FRMD4B: variants seen among roughly 807,000 people sequenced by gnomAD.
FRMD4B encodes FERM domain containing 4B.
FRMD4B carries 74 observed loss-of-function variants against 141.5 expected under a neutral mutation model. The ratio of observed to expected loss-of-function variants is 0.52; its 90% confidence interval spans 0.43 to 0.63. The LOEUF is 0.63. FRMD4B is among the 30% of genes least tolerant of loss of function. The pLI, the probability that FRMD4B is intolerant of heterozygous loss-of-function variation, is 0.00. For missense variants in FRMD4B, 1,366 were observed against 1,253.4 expected (o/e 1.09, Z -1.36); for synonymous variants, 506 against 467.9 (o/e 1.08, Z -1.05).
chr3:69,273,063 A>T (rs566432389), intron 5 of FRMD4B, among the ~76,000 whole-genome samples: 1 of 152,242 alleles, frequency 6.6e-6, no homozygotes, highest in South Asian at 2.1e-4. Context: ...TGCTGCCTAC[A>T]TGGTAATTTT....
intron 7 of FRMD4B, among the ~76,000 whole-genome samples, chr3:69,241,368 G>A (rs978896756): frequency 1.3e-5 from 2 of 152,184 alleles, no homozygotes; most frequent in Non-Finnish European, 1.5e-5. Flanking sequence ...GATTCATAGC[G>A]CTCATGAGCA....
intron 1 of FRMD4B, among the ~76,000 whole-genome samples, chr3:69,315,769 C>CT (rs1344226810): frequency 6.6e-6 from 1 of 152,244 alleles, no homozygotes; most frequent in Non-Finnish European, 1.5e-5. Flanking sequence ...TCACCATGAA[C>CT]TTTGCACATC....
At chr3:69,196,796 G>C in intron 13 of FRMD4B, 104 bp downstream of exon 13, 1 of 868,768 alleles carries the variant, frequency 1.2e-6, no homozygotes, top group African/African-American at 1.7e-5. Context: ...AAAAATCTCA[G>C]AGAGCAAAAA....
intron 5 of FRMD4B, among the ~76,000 whole-genome samples, chr3:69,267,996 G>A (rs1017922185): frequency 6.6e-6 from 1 of 151,848 alleles, no homozygotes; most frequent in Non-Finnish European, 1.5e-5. Flanking sequence ...TGATGACAAT[G>A]TTCTACCAGA....
intron 3 of FRMD4B, among the ~76,000 whole-genome samples, chr3:69,305,902 G>C (rs926066742): frequency 6.6e-6 from 1 of 152,136 alleles, no homozygotes; most frequent in African/African-American, 2.4e-5. Context: ...ATTAAATATT[G>C]ATGAACATTT....
intron 1 of FRMD4B, chr3:69,353,462 T>C (rs1226531059): frequency 1.1e-5 from 5 of 467,116 alleles, no homozygotes; most frequent in Non-Finnish European, 1.4e-5. Flanking sequence ...CCCAAGATTT[T>C]GCTATGAAAT....
intron 1 of FRMD4B, among the ~76,000 whole-genome samples, chr3:69,450,320 AT>A (rs1375002086): frequency 6.6e-6 from 1 of 152,036 alleles, no homozygotes; most frequent in Admixed American, 6.5e-5. Context: ...CCCAGGAATT[AT>A]AGATCAGCCT....
At chr3:69,494,252 G>T (rs1297641177) in intron 1 of FRMD4B, among the ~76,000 whole-genome samples, 2 of 152,172 alleles carry the variant, frequency 1.3e-5, no homozygotes, top group African/African-American at 4.8e-5. Flanking sequence ...GGGAGGTGGT[G>T]TATACTGGGT....
intron 1 of FRMD4B, among the ~76,000 whole-genome samples, chr3:69,520,226 T>C (rs1310388926): frequency 2.1e-5 from 2 of 95,004 alleles, no homozygotes; most frequent in Non-Finnish European, 3.9e-5. Context: ...TATGATGGAA[T>C]ATATATATGA....
intron 1 of FRMD4B, among the ~76,000 whole-genome samples, chr3:69,362,725 A>C (rs1323085214): frequency 6.7e-6 from 1 of 149,450 alleles, no homozygotes; most frequent in Non-Finnish European, 1.5e-5. Flanking sequence ...AAACAAACAA[A>C]AAACAAAAAC....
At chr3:69,195,408 T>C in intron 14 of FRMD4B, 44 bp from the exon 15 acceptor site, 1 of 1,509,786 alleles carries the variant, frequency 6.6e-7, no homozygotes. Context: ...ACAAGGGATG[T>C]TTCCTTCCTT....
intron 1 of FRMD4B, among the ~76,000 whole-genome samples, chr3:69,446,030 T>C (rs1402447521): frequency 6.6e-6 from 1 of 152,150 alleles, no homozygotes; most frequent in Admixed American, 6.5e-5. Flanking sequence ...TTGATTTATT[T>C]ATTTATTTAT....
chr3:69,280,218 C>G (rs2093638396), intron 5 of FRMD4B, among the ~76,000 whole-genome samples: 1 of 152,138 alleles, frequency 6.6e-6, no homozygotes, highest in Non-Finnish European at 1.5e-5. Context: ...ATCACCACAC[C>G]TGGCACAGGT....
chr3:69,207,886 T>C (rs535994028), intron 11 of FRMD4B, among the ~76,000 whole-genome samples: 1 of 152,100 alleles, frequency 6.6e-6, no homozygotes, highest in African/African-American at 2.4e-5. Context: ...TCTAGCAGCA[T>C]CTTCCATTTC....
At chr3:69,539,944 C>A (rs973115384) in intron 1 of FRMD4B, among the ~76,000 whole-genome samples, 7 of 152,230 alleles carry the variant, frequency 4.6e-5, no homozygotes, top group African/African-American at 1.7e-4. Context: ...AATCCCAGCA[C>A]TTTGGGAGGC....
intron 11 of FRMD4B, among the ~76,000 whole-genome samples, chr3:69,210,957 G>A (rs1476312819): frequency 6.9e-6 from 1 of 143,926 alleles, no homozygotes; most frequent in Admixed American, 7.4e-5. Flanking sequence ...GGGTTGCAGT[G>A]AGCTGAGCTG....
intron 1 of FRMD4B, among the ~76,000 whole-genome samples, chr3:69,476,397 G>A (rs1163481148): frequency 2.0e-5 from 3 of 152,244 alleles, no homozygotes; most frequent in South Asian, 4.1e-4. Context: ...GTAAGCAAGG[G>A]ATCCAGTTTC....
intron 5 of FRMD4B, among the ~76,000 whole-genome samples, chr3:69,286,556 A>G (rs560140118): frequency 6.6e-6 from 1 of 152,306 alleles, no homozygotes; most frequent in South Asian, 2.1e-4. Context: ...TGAACACATA[A>G]CATGCTCAAT....
rs1156782577 is a variant in FRMD4B, at chr3:69,302,354, G to C, written c.405C>G (p.His135Gln). ...LPKKPGPTILHFAVRFYIESI... is the reference protein window; with the variant it reads ...LPKKPGPTILQFAVRFYIESI... ...CTGTGGATACATACCTCACAGCAAA[G>C]TGCAAAATGGTTGGGCCTGGTTTCT... is the stretch of plus-strand genomic sequence containing the variant. The change falls in exon 4 of 23, where the codon CAC becomes CAG. Residue 135 changes from histidine (H) to glutamine (Q), a missense_variant. Physicochemically the swap from His to Gln is conservative, Grantham distance 24 (BLOSUM62 0). Coordinates refer to ENST00000398540, the MANE Select transcript of FRMD4B (RefSeq NM_015123.3). 6 of 1,594,624 alleles carry C rather than the reference G, an allele frequency of 3.8e-6. No homozygotes were observed. The highest frequency in any genetic ancestry group is 5.2e-6 in the Non-Finnish European group (6 of 1,164,006).
Sources: gnomAD v4.1 joint callset for allele counts (sites outside exome capture counted in the v4.1 genomes callset) on GRCh38, gnomAD v4.1.1 for gene constraint, MANE v1.5 for transcripts, NCBI Gene and HGNC (gene_info 2026-07-23, HGNC 2026-07-21) for gene names.